SUSD1: variants seen among roughly 807,000 people sequenced by gnomAD.
SUSD1 encodes sushi domain containing 1.
In SUSD1, 65 loss-of-function variants were observed where a neutral mutation model predicts 86.9. The ratio of observed to expected loss-of-function variants is 0.75; its 90% CI spans 0.61 to 0.92. SUSD1 has a LOEUF of 0.92. Among genes scored for constraint, SUSD1 ranks in the 40% least tolerant of loss-of-function variants. The pLI, the probability that SUSD1 is intolerant of heterozygous loss-of-function variation, is 0.00. For missense variants in SUSD1, 850 were observed against 929.7 expected (o/e 0.91, Z 1.11); for synonymous variants, 346 against 350.0 (o/e 0.99, Z 0.13).
chr9:112,126,157 T>C lies in SUSD1; in HGVS notation c.707-1721A>G, dbSNP rs545032619. Reference sequence around the variant, plus strand: ...TGTTTCATAAGACTGCCTAGTCACATTGTTGACATCTGAAACATCTTCTAA... The same window carrying C: ...TGTTTCATAAGACTGCCTAGTCACACTGTTGACATCTGAAACATCTTCTAA... On this transcript the variant is annotated intron_variant, in intron 5 of 16. Transcript: ENST00000374270. Among the ~76,000 whole-genome samples, 6 of 152,356 alleles carry C rather than the reference T, an allele frequency of 3.9e-5. No individual in the cohort carries two copies. The East Asian group carries it at 9.6e-4, about 24-fold the overall frequency.
intron 7 of SUSD1, 121 bp downstream of exon 7, chr9:112,112,650 A>C: frequency 1.5e-6 from 1 of 666,114 alleles, no homozygotes; most frequent in Admixed American, 2.9e-5. Flanking sequence ...AAAATAAAAG[A>C]AAAAAAGAAA....
intron 10 of SUSD1, among the ~76,000 whole-genome samples, chr9:112,092,811 T>C (rs1830255217): frequency 6.6e-6 from 1 of 152,216 alleles, no homozygotes; most frequent in South Asian, 2.1e-4. Flanking sequence ...AAAACTTTTA[T>C]ATGTCAAAAA....
chr9:112,143,143 C>T (rs1344697830), intron 4 of SUSD1, among the ~76,000 whole-genome samples: 1 of 151,262 alleles, frequency 6.6e-6, no homozygotes, highest in Non-Finnish European at 1.5e-5. Context: ...CACCACCACA[C>T]CTGGCTATTT....
intron 13 of SUSD1, among the ~76,000 whole-genome samples, chr9:112,059,383 T>C (rs1386983638): frequency 1.3e-5 from 2 of 152,140 alleles, no homozygotes; most frequent in African/African-American, 4.8e-5. Flanking sequence ...AGCCCAACTG[T>C]GGAAAGGGTT....
Position 112,149,348 on chromosome 9 carries a change from G to C in SUSD1, c.269C>G (p.Ser90Cys). ...GATLVCGNHT[S>C]CHNTPGGFYC... The stretch of plus-strand genomic sequence containing the variant: ...GAAGCCCCCGGGGGTGTTGTGGCAA[G>C]ATGTGTGGTTCCCACAGACAAGAGT... The change falls in exon 3 of 17, where the codon TCT becomes TGT. Residue 90 changes from serine (S) to cysteine (C), a missense_variant. Transcript: ENST00000374270. The C allele has an allele frequency of 6.2e-7, 1 of 1,614,132 alleles. No individual in the cohort carries two copies. Among genetic ancestry groups the C allele is most frequent in the Non-Finnish European group, 8.5e-7 (1 of 1,180,040 alleles).
chr9:112,083,881 G>A (rs1042502852), intron 10 of SUSD1, among the ~76,000 whole-genome samples: 2 of 152,134 alleles, frequency 1.3e-5, no homozygotes, highest in Admixed American at 6.5e-5. Context: ...ATACTTTGCC[G>A]TTCTGTTCCC....
At chr9:112,088,931 A>C (rs781294038) in intron 10 of SUSD1, among the ~76,000 whole-genome samples, 6 of 152,138 alleles carry the variant, frequency 3.9e-5, no homozygotes, top group Non-Finnish European at 8.8e-5. Flanking sequence ...ACAAAGAGAG[A>C]CCTTGTCTCT....
chr9:112,063,789 C>T (rs1217167613), intron 12 of SUSD1, among the ~76,000 whole-genome samples: 1 of 152,182 alleles, frequency 6.6e-6, no homozygotes, highest in African/African-American at 2.4e-5. Flanking sequence ...GGGCACTAAC[C>T]ATTCACACTA....
At chr9:112,065,166 A>G (rs960963018) in intron 12 of SUSD1, among the ~76,000 whole-genome samples, 4 of 152,206 alleles carry the variant, frequency 2.6e-5, no homozygotes, top group Non-Finnish European at 4.4e-5. Context: ...TATCTTAAAC[A>G]TTTGGTTCTA....
intron 5 of SUSD1, among the ~76,000 whole-genome samples, chr9:112,138,160 G>C (rs978830935): frequency 7.8e-6 from 1 of 127,706 alleles, no homozygotes; most frequent in Admixed American, 8.5e-5. Flanking sequence ...AGGAGGCAGA[G>C]GTTGCAGTGA....
chr9:112,112,048 C>T (rs926401262), intron 7 of SUSD1: 1 of 489,782 alleles, frequency 2.0e-6, no homozygotes. Flanking sequence ...GAGAAATCTC[C>T]CTAGGAAGTG....
intron 1 of SUSD1, among the ~76,000 whole-genome samples, chr9:112,165,280 G>C (rs1018641244): frequency 2.6e-5 from 4 of 152,044 alleles, no homozygotes; most frequent in Non-Finnish European, 4.4e-5. Context: ...ATCTCTTTCA[G>C]TATTTATCCT....
At chr9:112,090,392 C>T (rs1336505016) in intron 10 of SUSD1, among the ~76,000 whole-genome samples, 2 of 152,118 alleles carry the variant, frequency 1.3e-5, no homozygotes, top group South Asian at 2.1e-4. Context: ...AAGCCCCATA[C>T]CCAGATCATT....
chr9:112,080,485 C>T (rs1377164547), intron 10 of SUSD1, among the ~76,000 whole-genome samples: 2 of 152,058 alleles, frequency 1.3e-5, no homozygotes, highest in African/African-American at 4.8e-5. Flanking sequence ...GCCACGAGTT[C>T]GAGACCAGCC....
intron 14 of SUSD1, among the ~76,000 whole-genome samples, chr9:112,055,412 G>C (rs1455434953): frequency 6.6e-6 from 1 of 152,100 alleles, no homozygotes; most frequent in Non-Finnish European, 1.5e-5. Context: ...GGTAAACAAA[G>C]TGAGACCCCA....
At chr9:112,148,401 A>G (rs1832898580) in intron 3 of SUSD1, among the ~76,000 whole-genome samples, 1 of 151,720 alleles carries the variant, frequency 6.6e-6, no homozygotes, top group Admixed American at 6.6e-5. Context: ...CAAAACTCGC[A>G]CTCCTCACTC....
intron 13 of SUSD1, among the ~76,000 whole-genome samples, chr9:112,061,187 A>G (rs1487405797): frequency 1.3e-5 from 2 of 152,186 alleles, no homozygotes; most frequent in African/African-American, 4.8e-5. Flanking sequence ...CAACCTCAGC[A>G]GAGACTTGGT....
chr9:112,170,734 G>GAGAGAGAGAT (rs1834011772), intron 1 of SUSD1, among the ~76,000 whole-genome samples: 1 of 151,412 alleles, frequency 6.6e-6, no homozygotes, highest in Admixed American at 6.6e-5. Flanking sequence ...GAGAGAGAGA[G>GAGAGAGAGAT]AGCCTTGCTC....
At chr9:112,077,544 C>CTTTTTTTT (rs1829574013) in intron 12 of SUSD1, among the ~76,000 whole-genome samples, 1 of 68,084 alleles carries the variant, frequency 1.5e-5, no homozygotes, top group Non-Finnish European at 2.6e-5. Context: ...TGGAGTTTTG[C>CTTTTTTTT]TCTTGTTGCC....
Sources: gnomAD v4.1 joint callset for allele counts (sites outside exome capture counted in the v4.1 genomes callset) on GRCh38, gnomAD v4.1.1 for gene constraint, MANE v1.5 for transcripts, NCBI Gene and HGNC (gene_info 2026-07-23, HGNC 2026-07-21) for gene names.